PHACTR1: variants seen among roughly 807,000 people sequenced by gnomAD.
PHACTR1 encodes the protein phosphatase and actin regulator 1, also known as RPEL repeat containing 1.
PHACTR1 carries 16 observed loss-of-function variants against 69.2 expected under a neutral mutation model. The ratio of observed to expected loss-of-function variants is 0.23; its 90% CI spans 0.16 to 0.35. PHACTR1 has a LOEUF of 0.35. PHACTR1 is among the 10% of genes least tolerant of loss of function. The pLI, the probability that PHACTR1 is intolerant of heterozygous loss-of-function variation, is 1.00. For synonymous variants in PHACTR1, 312 were observed against 284.5 expected (o/e 1.10, Z -0.97); for missense variants, 510 against 734.7 (o/e 0.69, Z 3.54).
intron 4 of PHACTR1, among the ~76,000 whole-genome samples, chr6:12,830,697 C>T (rs1777466598): frequency 6.6e-6 from 1 of 152,036 alleles, no homozygotes; most frequent in East Asian, 1.9e-4. Flanking sequence ...TCAAGCGATT[C>T]TCCTTCATCA....
rs571304924 is a variant in PHACTR1, at chr6:13,111,204, G to C, written c.416-49000G>C. 9.8e-5 allele frequency among the ~76,000 whole-genome samples: 15 copies of C among 152,294 alleles called. No individual in the cohort carries two copies. In the South Asian group the frequency reaches 2.9e-3, roughly 30 times the overall value. ...GTACAAATTACCATATTGCCGTCTA[G>C]ATAGATTATTTTAAACCCAAAGGGT... On this transcript the variant is annotated intron_variant, in intron 5 of 14. Transcript: ENST00000332995.
At chr6:12,933,687 C>G in intron 4 of PHACTR1, 1 of 1,612,830 alleles carries the variant, frequency 6.2e-7, no homozygotes, top group South Asian at 1.1e-5. Context: ...GCAGTGCCAA[C>G]TCTTGGGCGT....
In PHACTR1 at chr6:13,179,741, TAGATAGAC is replaced by T. The variant is rs57077223; in HGVS notation, c.497-2774_497-2767del. On this transcript the variant is annotated intron_variant, in intron 6 of 14. Transcript: ENST00000332995. This position sits in a 1 kb window ranked among gnomAD's most constrained non-coding sequence, Gnocchi z 4.2. ...ATAGATAGATAGATAGATAGATAGA[TAGATAGAC>T]AGAACAAGGTTATCAATATTAATGT... Among the ~76,000 whole-genome samples, 5,209 of 117,242 alleles carry T rather than the reference TAGATAGAC, an allele frequency of 0.044. 248 individuals carry two copies. Among genetic ancestry groups the T allele is most frequent in the African/African-American group, 0.12 (4,333 of 35,034 alleles). The allele number at this position is 117,242 out of a possible 152,430, so 76.9% of individuals were successfully genotyped here.
intron 5 of PHACTR1, among the ~76,000 whole-genome samples, chr6:13,110,065 G>T (rs768615909): frequency 6.6e-6 from 1 of 150,574 alleles, no homozygotes; most frequent in African/African-American, 2.4e-5. Flanking sequence ...TAAATCCTTG[G>T]GCATAAATAA....
intron 4 of PHACTR1, among the ~76,000 whole-genome samples, chr6:12,892,907 T>C (rs1396666631): frequency 6.6e-6 from 1 of 152,094 alleles, no homozygotes; most frequent in Non-Finnish European, 1.5e-5. Flanking sequence ...ATTGGGGCAG[T>C]GGGGCTCTGA....
At chr6:13,209,165 A>G (rs867649438) in intron 8 of PHACTR1, among the ~76,000 whole-genome samples, 1 of 152,168 alleles carries the variant, frequency 6.6e-6, no homozygotes, top group African/African-American at 2.4e-5. Context: ...GTGTGTCTCC[A>G]GTCATCTCCA....
intron 4 of PHACTR1, among the ~76,000 whole-genome samples, chr6:12,833,417 C>G (rs1777802613): frequency 6.6e-6 from 1 of 151,982 alleles, no homozygotes; most frequent in Admixed American, 6.6e-5. Flanking sequence ...CACCACCACA[C>G]CTGGCTAATT....
At chr6:12,926,991 T>A (rs1229475340) in intron 4 of PHACTR1, among the ~76,000 whole-genome samples, 1 of 152,226 alleles carries the variant, frequency 6.6e-6, no homozygotes, top group Non-Finnish European at 1.5e-5. Flanking sequence ...AGTCAATTGC[T>A]TAGGATCCAG....
At chr6:12,954,120 C>T (rs1791602294) in intron 4 of PHACTR1, among the ~76,000 whole-genome samples, 1 of 152,066 alleles carries the variant, frequency 6.6e-6, no homozygotes, top group South Asian at 2.1e-4. Flanking sequence ...CAAGGAAGAA[C>T]ATTCCAGGCA....
chr6:12,995,422 A>G (rs1372425904), intron 4 of PHACTR1, among the ~76,000 whole-genome samples: 4 of 152,132 alleles, frequency 2.6e-5, no homozygotes, highest in Admixed American at 2.6e-4. Context: ...CAAAGTAGAA[A>G]AAAAACATGA....
chr6:13,055,735 G>A (rs1030062291), intron 5 of PHACTR1, among the ~76,000 whole-genome samples: 3 of 152,236 alleles, frequency 2.0e-5, no homozygotes, highest in East Asian at 1.9e-4. Flanking sequence ...TCACATGACC[G>A]ATTATGCCAA....
At chr6:13,180,892 G>T (rs1150611) in intron 6 of PHACTR1, among the ~76,000 whole-genome samples, 23,843 of 152,000 alleles carry the variant, frequency 0.16, 1,921 homozygotes, top group East Asian at 0.23. Flanking sequence ...CTTACAGTCT[G>T]CACTGCTTTT....
intron 4 of PHACTR1, among the ~76,000 whole-genome samples, chr6:12,761,606 G>A (rs1768022773): frequency 6.6e-6 from 1 of 152,178 alleles, no homozygotes; most frequent in African/African-American, 2.4e-5. Flanking sequence ...AACTGTAGAA[G>A]CAACTGTACT....
intron 4 of PHACTR1, among the ~76,000 whole-genome samples, chr6:12,805,208 T>C (rs1198708397): frequency 1.3e-5 from 2 of 152,186 alleles, no homozygotes; most frequent in African/African-American, 4.8e-5. Context: ...ACACTTGAAA[T>C]TCATCAATTA....
chr6:13,045,742 A>AG (rs765110889), intron 4 of PHACTR1, among the ~76,000 whole-genome samples: 1 of 152,294 alleles, frequency 6.6e-6, no homozygotes, highest in East Asian at 1.9e-4. Flanking sequence ...GTGTTTTCCC[A>AG]GGGGGCCACT....
chr6:13,017,917 T>C (rs1207733463), intron 4 of PHACTR1, among the ~76,000 whole-genome samples: 1 of 152,234 alleles, frequency 6.6e-6, no homozygotes, highest in East Asian at 1.9e-4. Context: ...CAGTGCCTTT[T>C]ACATGTAATT....
chr6:13,120,222 T>G (rs1818487003), intron 5 of PHACTR1, among the ~76,000 whole-genome samples: 1 of 152,156 alleles, frequency 6.6e-6, no homozygotes, highest in African/African-American at 2.4e-5. Flanking sequence ...TCCTCCTTCT[T>G]CCTTTCTTCT....
intron 4 of PHACTR1, among the ~76,000 whole-genome samples, chr6:12,772,860 C>T (rs1413745397): frequency 1.3e-5 from 2 of 152,176 alleles, no homozygotes; most frequent in African/African-American, 4.8e-5. Context: ...TTTCTGTTTG[C>T]ACTAGGATGT....
chr6:12,828,343 A>G (rs1777030420), intron 4 of PHACTR1, among the ~76,000 whole-genome samples: 1 of 152,350 alleles, frequency 6.6e-6, no homozygotes, highest in South Asian at 2.1e-4. Context: ...TGTATTCAGT[A>G]TAAAAAACTG....
Sources: gnomAD v4.1 joint callset for allele counts (sites outside exome capture counted in the v4.1 genomes callset) on GRCh38, gnomAD v4.1.1 for gene constraint, Gnocchi (gnomAD v3.1) non-coding constraint, MANE v1.5 for transcripts, NCBI Gene and HGNC (gene_info 2026-07-23, HGNC 2026-07-21) for gene names.